Variants in INTS6 observed in about 807,000 individuals in gnomAD.
The protein encoded by INTS6 is integrator complex subunit 6, also known as DEAD box protein.
INTS6 carries 16 observed loss-of-function variants against 104.9 expected under a neutral mutation model. That is an observed-to-expected ratio of 0.15 (90% confidence interval 0.10 to 0.23). The LOEUF is 0.23. INTS6 is among the 10% of genes least tolerant of loss of function. INTS6 has a pLI of 1.00. For missense variants in INTS6, 584 were observed against 1,062.8 expected, an observed-to-expected ratio of 0.55 and a Z score of 6.26; for synonymous variants, 324 against 358.7, an observed-to-expected ratio of 0.90 and a Z score of 1.09.
intron 5 of INTS6, among the ~76,000 whole-genome samples, chr13:51,390,705 T>C (rs893251830): frequency 2.0e-5 from 3 of 152,062 alleles, no homozygotes; most frequent in African/African-American, 4.8e-5. Flanking sequence ...GAGAACATTA[T>C]AGACAATGGT....
chr13:51,420,481 CA>C (rs1956876943), intron 4 of INTS6, among the ~76,000 whole-genome samples: 1 of 151,828 alleles, frequency 6.6e-6, no homozygotes, highest in Admixed American at 6.6e-5. Flanking sequence ...AAACTTTTTC[CA>C]AAATACTCAA....
chr13:51,397,646 G>A (rs1196457372), intron 4 of INTS6, among the ~76,000 whole-genome samples: 1 of 152,082 alleles, frequency 6.6e-6, no homozygotes, highest in African/African-American at 2.4e-5. Context: ...AAGTATTTGG[G>A]AAACACAGCT....
In INTS6 at chr13:51,419,563, T is replaced by C. The variant is rs548086519; in HGVS notation, c.429+10731A>G. 3.3e-5 allele frequency among the ~76,000 whole-genome samples: 5 copies of C among 152,324 alleles called. No homozygotes were observed. The East Asian group carries it at 9.6e-4, about 29-fold the overall frequency. On this transcript the variant is annotated intron_variant, in intron 4 of 17. Transcript: ENST00000311234. ...TCAAAATCCAACTCAAGACATTTCC[T>C]AGAGCCAGCTCCGGCCTCACTTTCT...
chr13:51,349,425 C>T (rs181175482), downstream of INTS6, among the ~76,000 whole-genome samples: 2 of 152,132 alleles, frequency 1.3e-5, no homozygotes, highest in Admixed American at 1.3e-4. Flanking sequence ...AAACCAAAAC[C>T]CAAATACTGG....
intron 3 of INTS6, chr13:51,444,654 CAGG>C (rs1219788314): frequency 6.6e-6 from 1 of 151,754 alleles, no homozygotes; most frequent in African/African-American, 2.4e-5. Context: ...GAGGCTGAAG[CAGG>C]AGAATGGCTT....
the INTS6 span, among the ~76,000 whole-genome samples, chr13:51,343,381 T>A: frequency 6.6e-6 from 1 of 152,204 alleles, no homozygotes; most frequent in African/African-American, 2.4e-5. Flanking sequence ...GACTCACCAG[T>A]GGGCAAGAGC....
At chr13:51,370,665 G>A (rs74084823) in intron 15 of INTS6, among the ~76,000 whole-genome samples, 52 of 152,254 alleles carry the variant, frequency 3.4e-4, no homozygotes, top group African/African-American at 1.2e-3. Context: ...ATAACTGCAC[G>A]GCCCAGTGGC....
At chr13:51,406,675 T>G (rs1286643389) in intron 4 of INTS6, among the ~76,000 whole-genome samples, 13 of 152,126 alleles carry the variant, frequency 8.5e-5, no homozygotes, top group Non-Finnish European at 1.8e-4. Context: ...GATGGCTTCT[T>G]ATTGCTTTTA....
intron 3 of INTS6, chr13:51,355,129 TGAAAG>T (rs1266325552): frequency 1.6e-5 from 24 of 1,525,300 alleles, no homozygotes; most frequent in Middle Eastern, 1.7e-4. Context: ...AAAGCTAACT[TGAAAG>T]GAATTTCAGG....
At chr13:51,382,220 T>C in intron 9 of INTS6, 97 bp from the exon 10 acceptor site, 1 of 583,392 alleles carries the variant, frequency 1.7e-6, no homozygotes, top group Non-Finnish European at 2.9e-6. Flanking sequence ...TGCTTTGTTA[T>C]TTTTGAGAGA....
At chr13:51,421,240 T>C in intron 4 of INTS6, 1 of 985,460 alleles carries the variant, frequency 1.0e-6, no homozygotes, top group Non-Finnish European at 1.2e-6. Flanking sequence ...GTCGATCCTG[T>C]ATCCAGGAAT....
the INTS6 span, chr13:51,346,984 T>G: frequency 6.9e-7 from 1 of 1,454,828 alleles, no homozygotes; most frequent in Non-Finnish European, 9.4e-7. Flanking sequence ...TCAGTTTCAA[T>G]GCACATTTAA....
intron 4 of INTS6, among the ~76,000 whole-genome samples, chr13:51,399,052 A>C (rs115948706): frequency 9.9e-5 from 15 of 152,242 alleles, no homozygotes; most frequent in African/African-American, 3.6e-4. Flanking sequence ...TCCCCAACTG[A>C]CTAGTTTTGC....
Position 51,443,266 on chromosome 13 carries a change from A to T in INTS6, c.339+7759T>A, listed in dbSNP as rs114424008. 1,314 of 152,282 alleles carry T rather than the reference A, an allele frequency of 8.6e-3. 18 individuals are homozygous for T. The highest frequency in any genetic ancestry group is 0.029 in the African/African-American group (1,218 of 41,558). 9.4% of individuals were successfully genotyped at this position (152,282 alleles called of 1,614,324 possible). On this transcript the variant is annotated intron_variant, in intron 3 of 17. Transcript: ENST00000311234. ...TGAGGAAAATTGAGTAAACTTCTAA[A>T]ATCACTTCCATTCTAAAGCCCTATG... is the stretch of plus-strand genomic sequence containing the variant.
rs926880622 is a variant in INTS6 at position 51,363,198 on chromosome 13, C to A, written c.*2554G>T. On this transcript the variant is annotated 3_prime_UTR_variant, in exon 18 of 18. Coordinates refer to ENST00000311234, the MANE Select transcript of INTS6 (RefSeq NM_012141.3). Reference sequence around the variant, plus strand: ...CAAGTGCATAAAAATGATGTAAAATCCTTAAACAAGGAAAAGACACACCAC... The same window carrying A: ...CAAGTGCATAAAAATGATGTAAAATACTTAAACAAGGAAAAGACACACCAC... The A allele has an allele frequency of 5.9e-5, 9 of 151,860 alleles. No homozygotes were observed. Among genetic ancestry groups the A allele is most frequent in the Admixed American group, 2.0e-4 (3 of 15,200 alleles). 9.4% of individuals were successfully genotyped at this position (151,860 alleles called of 1,614,324 possible).
At chr13:51,427,760 C>A (rs1957010139) in intron 4 of INTS6, among the ~76,000 whole-genome samples, 1 of 152,122 alleles carries the variant, frequency 6.6e-6, no homozygotes, top group Non-Finnish European at 1.5e-5. Context: ...ATTCAATACA[C>A]CAATGTTTAT....
At chr13:51,373,559 C>A (rs1955857038) in intron 15 of INTS6, among the ~76,000 whole-genome samples, 1 of 152,192 alleles carries the variant, frequency 6.6e-6, no homozygotes, top group Non-Finnish European at 1.5e-5. Flanking sequence ...ATTCCCAACA[C>A]CCTTGCTATA....
Position 51,389,337 on chromosome 13 carries a change from C to G in INTS6, c.721G>C (p.Asp241His). The G allele has an allele frequency of 6.2e-7, 1 of 1,613,444 alleles. No individual in the cohort carries two copies. Among genetic ancestry groups the G allele is most frequent in the Non-Finnish European group, 8.5e-7 (1 of 1,179,720 alleles). ...ATAATACCTTCTACAGGGGAAGGAT[C>G]TGGTCCTGCTTTTTCAAAGTTTATT... ...VVINFEKAGP[D>H]PSPVEDGQPD... The change falls in exon 6 of 18, where the codon GAT becomes CAT. Residue 241 changes from aspartate (D) to histidine (H), a missense_variant. By Grantham distance (81) the Asp-to-His change is moderately conservative (BLOSUM62 -1). Around this residue, in one of 5 missense-constraint regions of INTS6, gnomAD observed 144 missense variants for 348.7 expected, o/e 0.41. Transcript: ENST00000311234.
At chr13:51,374,565 A>G in intron 14 of INTS6, 89 bp downstream of exon 14, 5 of 1,539,624 alleles carry the variant, frequency 3.2e-6, no homozygotes, top group South Asian at 2.3e-5. Flanking sequence ...CCAGGAAAAT[A>G]GCTTCAGCTT....
Sources: allele counts gnomAD v4.1 joint callset (sites outside exome capture counted in the v4.1 genomes callset), GRCh38; gene constraint gnomAD v4.1.1; regional missense constraint gnomAD v4.1.1; transcripts MANE v1.5; gene names NCBI Gene and HGNC (gene_info 2026-07-23, HGNC 2026-07-21).